Variants in PACS2 observed in about 807,000 individuals in gnomAD.
The protein encoded by PACS2 is phosphofurin acidic cluster sorting protein 2.
PACS2 carries 36 observed loss-of-function variants against 113.0 expected under a neutral mutation model. That is an observed-to-expected ratio of 0.32 (90% CI 0.24 to 0.42). The LOEUF (loss-of-function observed/expected upper bound fraction) is 0.42. Ranked by LOEUF, PACS2 falls within the 10% of genes least tolerant of loss-of-function variation. PACS2 has a pLI of 1.00. For missense variants in PACS2, 1,015 were observed against 1,239.5 expected, an observed-to-expected ratio of 0.82 and a Z score of 2.72; for synonymous variants, 589 against 536.1, an observed-to-expected ratio of 1.10 and a Z score of -1.36.
chr14:105,386,742 T>G (rs1555413663), intron 19 of PACS2, among the ~76,000 whole-genome samples: 1 of 152,130 alleles, frequency 6.6e-6, no homozygotes, highest in Non-Finnish European at 1.5e-5. Flanking sequence ...GTGGGCAGCC[T>G]GGGACCACCC....
chr14:105,322,100 G>A (rs2058915341), intron 1 of PACS2, among the ~76,000 whole-genome samples: 1 of 151,726 alleles, frequency 6.6e-6, no homozygotes. Flanking sequence ...ACCACGCCCA[G>A]TTAATTTTTG....
chr14:105,334,314 G>A (rs587650221), intron 1 of PACS2, among the ~76,000 whole-genome samples: 98 of 152,360 alleles, frequency 6.4e-4, no homozygotes, highest in African/African-American at 2.3e-3. Flanking sequence ...AGGGCAGCGT[G>A]GCCAGGAGAG....
intron 7 of PACS2, among the ~76,000 whole-genome samples, chr14:105,369,432 A>G (rs1266043506): frequency 3.3e-5 from 5 of 152,056 alleles, no homozygotes; most frequent in African/African-American, 9.7e-5. Context: ...GGCACGAGGC[A>G]CCCACGGGGC....
rs2059363423 is a variant in PACS2 at position 105,333,043 on chromosome 14, G to C, written c.120-15450G>C. 2.0e-5 allele frequency among the ~76,000 whole-genome samples: 3 copies of C among 152,268 alleles called. No individual in the cohort carries two copies. In the East Asian group the frequency reaches 5.8e-4, roughly 29 times the overall value. ...TCTGTGGGACGTGTGCTGGGCCCCT[G>C]GGGGTGGATGCAGACCGAGCCTGGG... On this transcript the variant is annotated intron_variant, in intron 1 of 24. Transcript: ENST00000447393.
chr14:105,326,564 G>A (rs1359841045), intron 1 of PACS2, among the ~76,000 whole-genome samples: 2 of 152,226 alleles, frequency 1.3e-5, no homozygotes, highest in African/African-American at 2.4e-5. Flanking sequence ...AAGGTGCTCC[G>A]TGGTGGGGCC....
chr14:105,339,509 TAAA>T (rs112048576), intron 1 of PACS2, among the ~76,000 whole-genome samples: 1 of 111,660 alleles, frequency 9.0e-6, no homozygotes, highest in Admixed American at 9.8e-5. Flanking sequence ...TCTGTCTCTA[TAAA>T]AAAAAAAAAA....
In PACS2 at chr14:105,360,565, A is replaced by G. The variant is rs147072995; in HGVS notation, c.423+5388A>G. On this transcript the variant is annotated intron_variant, in intron 4 of 24. Transcript: ENST00000447393. The stretch of plus-strand genomic sequence containing the variant: ...CTCAAAAAAAAAAAAAAAAGAAAAG[A>G]AAAAGCTAACAATCATCTGAGCCTT... 2.4e-3 allele frequency among the ~76,000 whole-genome samples: 365 copies of G among 150,468 alleles called. 3 individuals carry two copies. Among genetic ancestry groups the G allele is most frequent in the African/African-American group, 8.6e-3 (350 of 40,934 alleles).
upstream of PACS2, among the ~76,000 whole-genome samples, chr14:105,313,896 T>C (rs996455417): frequency 6.6e-6 from 1 of 152,234 alleles, no homozygotes; most frequent in Non-Finnish European, 1.5e-5. Context: ...CCCCAGCGGC[T>C]CTAGCCATTG....
chr14:105,389,023 ATGCTGTGC>A (rs2081270650), intron 19 of PACS2: 3 of 152,376 alleles, frequency 2.0e-5, no homozygotes, highest in African/African-American at 7.2e-5. Flanking sequence ...GCGGGGCCTC[ATGCTGTGC>A]TGGCCCCTTG....
In PACS2 at chr14:105,381,908, C is replaced by T; in HGVS notation, c.1269-6C>T. On this transcript the variant is annotated splice_polypyrimidine_tract_variant and splice_region_variant and intron_variant, in intron 12 of 24. Coordinates refer to ENST00000447393, the MANE Select transcript of PACS2 (RefSeq NM_001100913.3). Reference sequence around the variant, plus strand: ...CAGCCACTTAGCCTGTCCTGGTCCCCAATAGGTCCGAGGGGAAGCAGGCTG... The same window carrying T: ...CAGCCACTTAGCCTGTCCTGGTCCCTAATAGGTCCGAGGGGAAGCAGGCTG... 3 of 1,550,608 alleles carry T rather than the reference C, an allele frequency of 1.9e-6. No homozygotes were observed.
At chr14:105,361,216 A>G (rs1555406377) in intron 4 of PACS2, among the ~76,000 whole-genome samples, 1 of 152,258 alleles carries the variant, frequency 6.6e-6, no homozygotes, top group Non-Finnish European at 1.5e-5. Flanking sequence ...AATCCAGGCC[A>G]CGCGCAGTGG....
chr14:105,376,074 TA>T lies in PACS2; in HGVS notation c.802-690del, dbSNP rs2061342994. ...CTGCAGGGGAAATACAAGATGCTTATAAAACCATCAGATCTCTTAAGATGTG... is the reference window on the plus strand; with the variant it reads ...CTGCAGGGGAAATACAAGATGCTTATAAACCATCAGATCTCTTAAGATGTG... On this transcript the variant is annotated intron_variant, in intron 8 of 24. Coordinates refer to ENST00000447393, the MANE Select transcript of PACS2 (RefSeq NM_001100913.3). This position sits in a 1 kb window ranked among gnomAD's most constrained non-coding sequence, Gnocchi z 4.7. Among the ~76,000 whole-genome samples the T allele has an allele frequency of 1.3e-5, 2 of 152,062 alleles. No individual in the cohort carries two copies. The highest frequency in any genetic ancestry group is 1.3e-4 in the Admixed American group (2 of 15,272).
intron 1 of PACS2, among the ~76,000 whole-genome samples, chr14:105,342,062 G>A (rs1000019252): frequency 3.3e-5 from 5 of 152,220 alleles, no homozygotes; most frequent in South Asian, 2.1e-4. Context: ...TTCTGGAAAC[G>A]AGCGTGGAAG....
At position 105,309,272 on chromosome 14, in the gene PACS2, T is replaced by C. The variant is rs1179819043; in HGVS notation, c.-83+8293T>C. On this transcript the variant is annotated intron_variant, in intron 1 of 23. Transcript: ENST00000430725. This position sits in a 1 kb window ranked among gnomAD's most constrained non-coding sequence, Gnocchi z 4.0. ...ATCTTGGGGCTCAGGATAACCACAG[T>C]CAAGAGGGGAGAGTTTTATTCCTGA... Among the ~76,000 whole-genome samples the C allele has an allele frequency of 6.6e-6, 1 of 152,320 alleles. No individual in the cohort carries two copies. The highest frequency in any genetic ancestry group is 1.9e-4 in the East Asian group (1 of 5,192).
At chr14:105,364,552 C>A (rs1189197942) in intron 4 of PACS2, among the ~76,000 whole-genome samples, 1 of 150,016 alleles carries the variant, frequency 6.7e-6, no homozygotes, top group Admixed American at 6.6e-5. Context: ...AGGCTTGCTG[C>A]GATGTTGGCA....
chr14:105,367,808 G>A (rs1292173582), intron 5 of PACS2, among the ~76,000 whole-genome samples: 20 of 152,242 alleles, frequency 1.3e-4, no homozygotes, highest in African/African-American at 3.4e-4. Flanking sequence ...AGGAGGGGCC[G>A]TGGAGGCCGG....
chr14:105,347,044 C>G (rs1222278143), intron 1 of PACS2, among the ~76,000 whole-genome samples: 1 of 132,680 alleles, frequency 7.5e-6, no homozygotes, highest in African/African-American at 2.9e-5. Flanking sequence ...TGCCTGTTGT[C>G]CGCTGTCCCC....
At chr14:105,321,653 A>G (rs2084643155) in intron 1 of PACS2, among the ~76,000 whole-genome samples, 1 of 151,764 alleles carries the variant, frequency 6.6e-6, no homozygotes, top group Non-Finnish European at 1.5e-5. Flanking sequence ...ATGAACCACT[A>G]ACGCCCCGTC....
chr14:105,329,671 T>C lies in PACS2; in HGVS notation c.119+14634T>C, dbSNP rs1466398790. On this transcript the variant is annotated intron_variant, in intron 1 of 24. Coordinates refer to ENST00000447393, the MANE Select transcript of PACS2 (RefSeq NM_001100913.3). This position sits in a 1 kb window ranked among gnomAD's most constrained non-coding sequence, Gnocchi z 6.4. ...CTCAGGGAGGTCCAGACAGCCCCCTTGTCTAGGTGCGCACCTGGAGTCCTT... is the reference window on the plus strand; with the variant it reads ...CTCAGGGAGGTCCAGACAGCCCCCTCGTCTAGGTGCGCACCTGGAGTCCTT... 1.3e-5 allele frequency among the ~76,000 whole-genome samples: 2 copies of C among 152,082 alleles called. No individual in the cohort carries two copies. The highest frequency in any genetic ancestry group is 2.4e-5 in the African/African-American group (1 of 41,396).
Sources: gnomAD v4.1 joint callset for allele counts (sites outside exome capture counted in the v4.1 genomes callset) on GRCh38, gnomAD v4.1.1 for gene constraint, Gnocchi (gnomAD v3.1) non-coding constraint, MANE v1.5 for transcripts, NCBI Gene and HGNC (gene_info 2026-07-23, HGNC 2026-07-21) for gene names.